FAT3: variants seen among roughly 807,000 people sequenced by gnomAD.
FAT3 encodes the protein protocadherin Fat 3.
A neutral mutation model predicts 310.2 loss-of-function variants in FAT3; 95 were observed. The ratio of observed to expected loss-of-function variants is 0.31; its 90% CI spans 0.26 to 0.36. The LOEUF (loss-of-function observed/expected upper bound fraction) is 0.36, where lower values mean the gene tolerates loss of function less well. FAT3 is among the 10% of genes least tolerant of loss of function. The pLI, the probability that FAT3 is intolerant of heterozygous loss-of-function variation, is 1.00. For missense variants in FAT3, 5,408 were observed against 5,715.6 expected (o/e 0.95, Z 1.74); for synonymous variants, 2,314 against 2,192.9 (o/e 1.06, Z -1.54).
At chr11:92,741,374 A>G (rs1945503848) in intron 4 of FAT3, among the ~76,000 whole-genome samples, 1 of 152,204 alleles carries the variant, frequency 6.6e-6, no homozygotes, top group African/African-American at 2.4e-5. Context: ...TGGAAGAGAC[A>G]GACAAAGTGG....
intron 3 of FAT3, among the ~76,000 whole-genome samples, chr11:92,677,341 C>T (rs1017266638): frequency 3.9e-5 from 6 of 152,064 alleles, no homozygotes; most frequent in Non-Finnish European, 8.8e-5. Flanking sequence ...GATCCTTGCC[C>T]GGAGGAGCAG....
chr11:92,485,006 C>T (rs1952335096), intron 2 of FAT3, among the ~76,000 whole-genome samples: 1 of 152,218 alleles, frequency 6.6e-6, no homozygotes, highest in South Asian at 2.1e-4. Context: ...ACTCAGTACA[C>T]ACTTTTTAGA....
chr11:92,344,708 TTACAGCCACAGTG>T (rs1392577922), intron 1 of FAT3, among the ~76,000 whole-genome samples: 5 of 151,946 alleles, frequency 3.3e-5, no homozygotes, highest in Non-Finnish European at 7.4e-5. Flanking sequence ...ACTGCAAGAG[TTACAGCCACAGTG>T]TGTGATAAGT....
intron 1 of FAT3, among the ~76,000 whole-genome samples, chr11:92,298,617 T>A (rs1242380832): frequency 6.6e-6 from 1 of 152,156 alleles, no homozygotes; most frequent in Non-Finnish European, 1.5e-5. Flanking sequence ...TGGTTCAGCA[T>A]CTCTGAGTGG....
rs774875961 is a variant in FAT3, at chr11:92,761,896, C to A, written c.3710C>A (p.Thr1237Asn). ...GGTGGTCCCTCTCCAAAACAGTCAA[C>A]CATTTGGGTGGTGGTTCAGGTTCTA... ...TDGGPSPKQS[T>N]IWVVVQVLDE... is the part of the protein sequence containing the mutation. The change falls in exon 5 of 28, where the codon ACC becomes AAC. Residue 1237 changes from threonine to asparagine, a missense_variant. Around this residue, in one of 5 missense-constraint regions of FAT3, gnomAD observed 4,588 missense variants for 4,809.8 expected, o/e 0.95. Coordinates refer to ENST00000525166, the MANE Select transcript of FAT3 (RefSeq NM_001367949.2). 3.1e-6 allele frequency: 5 copies of A among 1,613,904 alleles called. No individual in the cohort carries two copies. The highest frequency in any genetic ancestry group is 2.2e-5 in the East Asian group (1 of 44,872).
At chr11:92,256,427 A>T (rs1415361799) in intron 1 of FAT3, among the ~76,000 whole-genome samples, 1 of 151,992 alleles carries the variant, frequency 6.6e-6, no homozygotes, top group Non-Finnish European at 1.5e-5. Flanking sequence ...ATATGAAAAA[A>T]TGTGACTCAT....
intron 1 of FAT3, among the ~76,000 whole-genome samples, chr11:92,248,863 C>CA (rs1414717293): frequency 5.9e-5 from 9 of 151,810 alleles, no homozygotes; most frequent in Non-Finnish European, 7.4e-5. Context: ...ATTAATGATC[C>CA]AAAAAAGATA....
intron 1 of FAT3, among the ~76,000 whole-genome samples, chr11:92,310,579 TATA>T (rs1453759542): frequency 3.9e-5 from 6 of 152,132 alleles, no homozygotes; most frequent in Admixed American, 1.3e-4. Context: ...GTTACATGGA[TATA>T]ATGTGTATTG....
intron 17 of FAT3, among the ~76,000 whole-genome samples, chr11:92,839,114 C>G (rs1948474836): frequency 2.6e-5 from 4 of 152,310 alleles, no homozygotes. Flanking sequence ...GTGGGTTTCT[C>G]CTACTCAACA....
At position 92,354,061 on chromosome 11, in the gene FAT3, C is replaced by A. The variant is rs867770640; in HGVS notation, c.1949C>A (p.Ala650Asp). 2.5e-6 allele frequency: 4 copies of A among 1,613,548 alleles called. No individual in the cohort carries two copies. In the African/African-American group the frequency reaches 5.3e-5, roughly 22 times the overall value. ...TCTGGCATTAAAAATGGCAATTTTGCCCTCAGAATTACAGCAACTGATGGA... is the reference window on the plus strand; with the variant it reads ...TCTGGCATTAAAAATGGCAATTTTGACCTCAGAATTACAGCAACTGATGGA... ...TNSGIKNGNF[A>D]LRITATDGEN... The change falls in exon 2 of 28, where the codon GCC (alanine) becomes GAC (aspartate). Residue 650 changes from alanine (A) to aspartate (D), a missense_variant. Around this residue, in one of 5 missense-constraint regions of FAT3, gnomAD observed 4,588 missense variants for 4,809.8 expected, o/e 0.95. Coordinates refer to ENST00000525166, the MANE Select transcript of FAT3 (RefSeq NM_001367949.2).
At chr11:92,411,288 C>A (rs1240800297) in intron 2 of FAT3, among the ~76,000 whole-genome samples, 2 of 151,230 alleles carry the variant, frequency 1.3e-5, no homozygotes, top group Admixed American at 1.3e-4. Flanking sequence ...TTAGTGTCAC[C>A]TGCTAGGCAT....
chr11:92,439,034 G>A (rs1385807280), intron 2 of FAT3, among the ~76,000 whole-genome samples: 1 of 152,174 alleles, frequency 6.6e-6, no homozygotes, highest in East Asian at 1.9e-4. Context: ...CATACAGGCA[G>A]AAATTCTTGT....
chr11:92,273,897 T>C (rs1281811829), intron 1 of FAT3, among the ~76,000 whole-genome samples: 1 of 152,154 alleles, frequency 6.6e-6, no homozygotes, highest in East Asian at 1.9e-4. Context: ...TGATTATGTT[T>C]ATTAGAATAT....
chr11:92,487,904 C>G (rs1733754063), intron 2 of FAT3, among the ~76,000 whole-genome samples: 1 of 152,180 alleles, frequency 6.6e-6, no homozygotes, highest in Non-Finnish European at 1.5e-5. Flanking sequence ...TGGACAGACT[C>G]TAAGGTGGCC....
intron 2 of FAT3, among the ~76,000 whole-genome samples, chr11:92,420,961 T>C (rs982825954): frequency 1.3e-5 from 2 of 152,190 alleles, no homozygotes; most frequent in African/African-American, 4.8e-5. Context: ...TTAGCAGGGC[T>C]CATAAAATAC....
rs141093388 is a variant in FAT3, at chr11:92,864,148, T to A, written c.11659-2593T>A. Among the ~76,000 whole-genome samples, 107 of 152,334 alleles carry A rather than the reference T, an allele frequency of 7.0e-4. 1 individual carries two copies. Among genetic ancestry groups the A allele is most frequent in the Non-Finnish European group, 2.9e-5 (2 of 68,024 alleles). On this transcript the variant is annotated intron_variant, in intron 21 of 27. Transcript: ENST00000525166. Reference sequence around the variant, plus strand: ...TATATTTGAGTACATCAGAGTCCTGTCATTTCTCCCTGGTGAATATGTAAC... The same window carrying A: ...TATATTTGAGTACATCAGAGTCCTGACATTTCTCCCTGGTGAATATGTAAC...
chr11:92,412,464 G>C (rs1591251476), intron 2 of FAT3, among the ~76,000 whole-genome samples: 1 of 122,392 alleles, frequency 8.2e-6, no homozygotes, highest in Admixed American at 1.0e-4. Flanking sequence ...AGTAGGATTT[G>C]TAACCTGTTA....
At chr11:92,408,117 G>A (rs1950172608) in intron 2 of FAT3, 1 of 152,282 alleles carries the variant, frequency 6.6e-6, no homozygotes, top group Non-Finnish European at 1.5e-5. Flanking sequence ...AGTTTCTGGT[G>A]AGGGCTCTCC....
At chr11:92,696,925 C>A (rs941554370) in intron 3 of FAT3, among the ~76,000 whole-genome samples, 19 of 152,138 alleles carry the variant, frequency 1.2e-4, no homozygotes, top group African/African-American at 4.3e-4. Flanking sequence ...TTACAACATT[C>A]TTTGTCAAGT....
Sources: allele counts gnomAD v4.1 joint callset (sites outside exome capture counted in the v4.1 genomes callset), GRCh38; gene constraint gnomAD v4.1.1; regional missense constraint gnomAD v4.1.1; transcripts MANE v1.5; gene names NCBI Gene and HGNC (gene_info 2026-07-23, HGNC 2026-07-21).